The following TRAPPC3L variants were observed in gnomAD, a reference collection of about 807,000 sequenced individuals.
TRAPPC3L encodes trafficking protein particle complex subunit 3-like protein.
In TRAPPC3L, 23 loss-of-function variants were observed where a neutral mutation model predicts 23.7. The observed-to-expected ratio is 0.97, with a 90% CI of 0.70 to 1.37. The LOEUF (loss-of-function observed/expected upper bound fraction) is 1.37, where lower values mean the gene tolerates loss of function less well. Ranked by LOEUF, TRAPPC3L falls within the 40% of genes most tolerant of loss-of-function variation. The probability of loss-of-function intolerance (pLI) is 0.00; values close to 1 mark genes in which losing one functional copy is unlikely to be tolerated. For synonymous variants in TRAPPC3L, 81 were observed against 77.9 expected, an observed-to-expected ratio of 1.04 and a Z score of -0.21; for missense variants, 212 against 216.8, an observed-to-expected ratio of 0.98 and a Z score of 0.14.
intron 3 of TRAPPC3L, among the ~76,000 whole-genome samples, chr6:116,511,087 T>C (rs998371350): frequency 7.0e-6 from 1 of 143,030 alleles, no homozygotes; most frequent in Non-Finnish European, 1.5e-5. Flanking sequence ...ATGGGTGCAC[T>C]AAAATCTCAT....
chr6:116,509,967 A>T (rs1772080500), intron 3 of TRAPPC3L, among the ~76,000 whole-genome samples: 1 of 152,222 alleles, frequency 6.6e-6, no homozygotes, highest in Non-Finnish European at 1.5e-5. Flanking sequence ...AAGGAACTCA[A>T]ACAAATCAGC....
At chr6:116,511,582 TTC>T in intron 3 of TRAPPC3L, 1 of 921,240 alleles carries the variant, frequency 1.1e-6, no homozygotes, top group South Asian at 1.7e-5. Flanking sequence ...TCTGGCTCAA[TTC>T]AGTCTGAGAA....
At chr6:116,500,388 C>A in intron 4 of TRAPPC3L, 93 bp downstream of exon 4, 2 of 1,193,210 alleles carry the variant, frequency 1.7e-6, no homozygotes, top group Non-Finnish European at 1.2e-6. Flanking sequence ...AACCAATATA[C>A]CCAGCAAAAT....
chr6:116,512,017 A>T (rs1437819844), intron 3 of TRAPPC3L: 2 of 1,613,738 alleles, frequency 1.2e-6, no homozygotes, highest in South Asian at 2.2e-5. Flanking sequence ...CTCTGAGCTC[A>T]TTGGTGGCTC....
chr6:116,538,345 A>T (rs1296703214), intron 3 of TRAPPC3L, among the ~76,000 whole-genome samples: 3 of 152,226 alleles, frequency 2.0e-5, no homozygotes, highest in Non-Finnish European at 4.4e-5. Flanking sequence ...CTCTGACCCT[A>T]CATCGTGTGA....
chr6:116,523,625 T>C (rs1363371059), intron 3 of TRAPPC3L: 2 of 152,220 alleles, frequency 1.3e-5, no homozygotes, highest in Admixed American at 6.5e-5. Context: ...CACTCATCTA[T>C]ATTAGCATCA....
intron 3 of TRAPPC3L, among the ~76,000 whole-genome samples, chr6:116,510,959 A>G (rs1012999935): frequency 1.3e-5 from 2 of 151,776 alleles, no homozygotes; most frequent in African/African-American, 2.4e-5. Context: ...AAATTAAGCT[A>G]TGGGTACGTA....
chr6:116,533,898 C>G (rs1015249381), intron 3 of TRAPPC3L, among the ~76,000 whole-genome samples: 1 of 152,210 alleles, frequency 6.6e-6, no homozygotes, highest in Non-Finnish European at 1.5e-5. Flanking sequence ...CCCACTTACA[C>G]CCTAATGTGA....
chr6:116,534,649 C>T (rs1772959744), intron 3 of TRAPPC3L, among the ~76,000 whole-genome samples: 1 of 152,156 alleles, frequency 6.6e-6, no homozygotes, highest in Admixed American at 6.5e-5. Flanking sequence ...CAAAATTCAC[C>T]ACTTAGATTT....
chr6:116,535,789 T>C (rs1019615383), intron 3 of TRAPPC3L, among the ~76,000 whole-genome samples: 48 of 152,350 alleles, frequency 3.2e-4, no homozygotes, highest in African/African-American at 1.1e-3. Flanking sequence ...GAAAAATATC[T>C]TTAAAGATAT....
At chr6:116,545,248 T>G (rs951323389) in intron 1 of TRAPPC3L, among the ~76,000 whole-genome samples, 2 of 152,038 alleles carry the variant, frequency 1.3e-5, no homozygotes, top group African/African-American at 4.8e-5. Context: ...ATTGATATAA[T>G]TAGTCAGAAA....
chr6:116,519,827 A>G (rs1235086287), intron 3 of TRAPPC3L: 1 of 152,236 alleles, frequency 6.6e-6, no homozygotes, highest in Admixed American at 6.5e-5. Context: ...TAAATTGTGT[A>G]CACATATATA....
chr6:116,501,661 C>T (rs1275235160), intron 3 of TRAPPC3L, among the ~76,000 whole-genome samples: 1 of 152,180 alleles, frequency 6.6e-6, no homozygotes, highest in African/African-American at 2.4e-5. Flanking sequence ...TGGGACAAAG[C>T]TTCCAGAGGA....
chr6:116,513,255 T>C (rs1772160641), intron 3 of TRAPPC3L, among the ~76,000 whole-genome samples: 1 of 152,206 alleles, frequency 6.6e-6, no homozygotes, highest in African/African-American at 2.4e-5. Flanking sequence ...ACTCCAAAGC[T>C]GGTTGGCAGT....
rs1771846040 is a variant in TRAPPC3L, at chr6:116,497,225, T to C, written c.427-152A>G. 7.7e-6 allele frequency: 7 copies of C among 914,816 alleles called. No homozygotes were observed. In the South Asian group the frequency reaches 1.2e-4, roughly 15 times the overall value. The allele number at this position is 914,816 out of a possible 1,614,324, so 56.7% of individuals were successfully genotyped here. ...ATAAAGGGCCCTTTACTGAGTGTCC[T>C]CCGGAGATGGTCCAGCTGTGTGTCA... On this transcript the variant is annotated intron_variant, in intron 4 of 4. Coordinates refer to ENST00000368602, the MANE Select transcript of TRAPPC3L (RefSeq NM_001139444.3).
intron 3 of TRAPPC3L, among the ~76,000 whole-genome samples, chr6:116,502,464 C>T (rs903757816): frequency 5.3e-5 from 8 of 152,260 alleles, no homozygotes; most frequent in Middle Eastern, 3.4e-3. Context: ...GGATATTATC[C>T]AGGAGAACTT....
intron 3 of TRAPPC3L, among the ~76,000 whole-genome samples, chr6:116,511,183 G>GAGATAT (rs371971656): frequency 2.8e-5 from 4 of 141,516 alleles, no homozygotes; most frequent in African/African-American, 1.0e-4. Context: ...AAAAGCTATT[G>GAGATAT]ATATATATAT....
At chr6:116,537,060 T>C (rs1476717706) in intron 3 of TRAPPC3L, among the ~76,000 whole-genome samples, 1 of 152,158 alleles carries the variant, frequency 6.6e-6, no homozygotes, top group Non-Finnish European at 1.5e-5. Flanking sequence ...TAAAGGAACA[T>C]TTTGTTGGAG....
At chr6:116,540,497 C>G in intron 2 of TRAPPC3L, 35 bp from the exon 3 acceptor site, 1 of 1,538,914 alleles carries the variant, frequency 6.5e-7, no homozygotes, top group South Asian at 1.2e-5. Context: ...TCTGAAAATT[C>G]TAAGAAATTA....
Sources: allele counts gnomAD v4.1 joint callset (sites outside exome capture counted in the v4.1 genomes callset), GRCh38; gene constraint gnomAD v4.1.1; transcripts MANE v1.5; gene names NCBI Gene and HGNC (gene_info 2026-07-23, HGNC 2026-07-21).